OR51B5: variants seen among roughly 807,000 people sequenced by gnomAD.
OR51B5 encodes the protein olfactory receptor family 51 subfamily B member 5, also known as olfactory receptor 51B5.
For missense variants in OR51B5, 456 were observed against 374.6 expected (o/e 1.22, Z -1.79); for synonymous variants, 186 against 144.8 (o/e 1.28, Z -2.04).
chr11:5,442,621 C>A (rs1432181643), intron 1 of OR51B5, among the ~76,000 whole-genome samples: 3 of 152,130 alleles, frequency 2.0e-5, no homozygotes, highest in Non-Finnish European at 4.4e-5. Flanking sequence ...TCTCCAGGTA[C>A]CTGAAAATAG....
chr11:5,428,153 A>C (rs1008476851), intron 1 of OR51B5, among the ~76,000 whole-genome samples: 2 of 149,320 alleles, frequency 1.3e-5, no homozygotes, highest in African/African-American at 5.1e-5. Flanking sequence ...AGACATGCTC[A>C]ACAAGTAAAT....
chr11:5,399,103 G>A (rs1156636838), intron 1 of OR51B5, among the ~76,000 whole-genome samples: 1 of 152,108 alleles, frequency 6.6e-6, no homozygotes, highest in Non-Finnish European at 1.5e-5. Flanking sequence ...GTGGCAGATG[G>A]AAAACAAAAC....
At chr11:5,355,428 A>C (rs1030512306) in intron 1 of OR51B5, 2 of 154,594 alleles carry the variant, frequency 1.3e-5, no homozygotes, top group Admixed American at 1.3e-4. Context: ...TTCAAAGAGC[A>C]ACACCCACTG....
chr11:5,410,912 T>C (rs901328108), intron 1 of OR51B5, among the ~76,000 whole-genome samples: 1 of 150,052 alleles, frequency 6.7e-6, no homozygotes, highest in Non-Finnish European at 1.5e-5. Flanking sequence ...AAAATATTTC[T>C]GTACCACTGT....
At chr11:5,407,454 G>A (rs1480111518) in intron 1 of OR51B5, among the ~76,000 whole-genome samples, 1 of 152,036 alleles carries the variant, frequency 6.6e-6, no homozygotes, top group East Asian at 1.9e-4. Flanking sequence ...GTAATCAGTT[G>A]GGCTCTATAT....
rs115318791 is a variant in OR51B5 at position 5,387,559 on chromosome 11, G to A, written n.85-40649C>T. Among the ~76,000 whole-genome samples, 443 of 152,272 alleles carry A rather than the reference G, an allele frequency of 2.9e-3. 1 individual carries two copies. The highest frequency in any genetic ancestry group is 0.01 in the African/African-American group (419 of 41,536). On this transcript the variant is annotated intron_variant and non_coding_transcript_variant, in intron 1 of 4. Coordinates refer to the OR51B5 transcript ENST00000415970. ...TATAATAAAATTCAAAGTAGCTTGC[G>A]TGACCTGCAAGATCATACATGACGT...
chr11:5,342,516 A>G (rs539896880), downstream of OR51B5: 38 of 1,507,848 alleles, frequency 2.5e-5, 1 homozygote, highest in South Asian at 4.7e-4. Context: ...GCTAGATATG[A>G]GACTTCTTTG....
At chr11:5,365,267 T>C (rs747505419) in intron 1 of OR51B5, among the ~76,000 whole-genome samples, 8 of 152,108 alleles carry the variant, frequency 5.3e-5, no homozygotes, top group Non-Finnish European at 8.8e-5. Context: ...GGGCTGGTGG[T>C]GAGAACAGTG....
intron 1 of OR51B5, among the ~76,000 whole-genome samples, chr11:5,368,441 G>A (rs1849405427): frequency 1.4e-5 from 2 of 147,748 alleles, no homozygotes; most frequent in East Asian, 3.9e-4. Context: ...CTGGTCCATT[G>A]TAAGTATTAT....
intron 1 of OR51B5, among the ~76,000 whole-genome samples, chr11:5,356,270 G>C (rs189940560): frequency 1.3e-5 from 2 of 151,876 alleles, no homozygotes. Context: ...CCAATACAGA[G>C]AAGTCCTTAA....
chr11:5,402,420 T>C (rs570878884), intron 1 of OR51B5, among the ~76,000 whole-genome samples: 4 of 152,366 alleles, frequency 2.6e-5, no homozygotes, highest in South Asian at 2.1e-4. Flanking sequence ...TGGAAATTTC[T>C]TGATGGTGGT....
chr11:5,360,025 G>T (rs9704071), intron 1 of OR51B5, among the ~76,000 whole-genome samples: 57,699 of 151,892 alleles, frequency 0.38, 11,200 homozygotes, highest in Non-Finnish European at 0.41. Flanking sequence ...ATGTTAGACT[G>T]AAAACCATAA....
intron 1 of OR51B5, among the ~76,000 whole-genome samples, chr11:5,473,396 G>T (rs577614585): frequency 9.1e-4 from 138 of 152,280 alleles, no homozygotes; most frequent in Non-Finnish European, 1.5e-3. Context: ...GCTTTAAGGG[G>T]TAAGAAGCTT....
At chr11:5,352,488 G>C in intron 1 of OR51B5, 1 of 1,252,590 alleles carries the variant, frequency 8.0e-7, no homozygotes, top group Non-Finnish European at 1.1e-6. Flanking sequence ...AGGGGACCTG[G>C]ACAGGATGAC....
intron 1 of OR51B5, among the ~76,000 whole-genome samples, chr11:5,393,585 C>T (rs932270737): frequency 4.6e-5 from 7 of 151,902 alleles, no homozygotes; most frequent in Admixed American, 3.9e-4. Flanking sequence ...AAGTTATATA[C>T]GATTATGCTG....
intron 1 of OR51B5, among the ~76,000 whole-genome samples, chr11:5,411,879 G>A (rs1285731269): frequency 6.6e-6 from 1 of 152,154 alleles, no homozygotes; most frequent in Admixed American, 6.5e-5. Flanking sequence ...CCAGGAATGT[G>A]GTTGGCCTCT....
rs1047979567 is a variant in OR51B5 at position 5,351,712 on chromosome 11, C to T, written n.85-4802G>A. 5 of 1,613,834 alleles carry T rather than the reference C, an allele frequency of 3.1e-6. No homozygotes were observed. In the African/African-American group the frequency reaches 5.3e-5, roughly 17 times the overall value. ...CTTAGCTATGTTGGCAGCTACAGACCTCGGAGTGACATTGACCACAATGCC... is the reference window on the plus strand; with the variant it reads ...CTTAGCTATGTTGGCAGCTACAGACTTCGGAGTGACATTGACCACAATGCC... On this transcript the variant is annotated intron_variant and non_coding_transcript_variant, in intron 1 of 4. Coordinates refer to the OR51B5 transcript ENST00000415970.
chr11:5,454,825 C>T (rs1198856175), intron 1 of OR51B5: 1 of 160,084 alleles, frequency 6.2e-6, no homozygotes, highest in Non-Finnish European at 1.4e-5. Context: ...CTCTAAGACA[C>T]AGAGAATTAA....
chr11:5,453,191 A>T (rs1850883802), intron 1 of OR51B5: 1 of 235,578 alleles, frequency 4.2e-6, no homozygotes, highest in Non-Finnish European at 8.1e-6. Context: ...ATGTAGTTTA[A>T]ACATTTTCCT....
Sources: allele counts gnomAD v4.1 joint callset (sites outside exome capture counted in the v4.1 genomes callset), GRCh38; gene constraint gnomAD v4.1.1; transcripts MANE v1.5; gene names NCBI Gene and HGNC (gene_info 2026-07-23, HGNC 2026-07-21).